Variants in ABCA12 observed in about 807,000 individuals in gnomAD.
ABCA12 encodes glucosylceramide transporter ABCA12.
ABCA12 carries 156 observed loss-of-function variants against 293.5 expected under a neutral mutation model. That is an observed-to-expected ratio of 0.53 (90% CI 0.47 to 0.61). ABCA12 has a LOEUF of 0.61. Among genes scored for constraint, ABCA12 ranks in the 20% least tolerant of loss-of-function variants. The pLI, the probability that ABCA12 is intolerant of heterozygous loss-of-function variation, is 0.00. For missense variants in ABCA12, 2,797 were observed against 3,090.2 expected, an observed-to-expected ratio of 0.91 and a Z score of 2.25; for synonymous variants, 1,063 against 1,108.0, an observed-to-expected ratio of 0.96 and a Z score of 0.81.
chr2:215,042,255 G>C (rs953136189), intron 7 of ABCA12: 1 of 151,998 alleles, frequency 6.6e-6, no homozygotes, highest in Non-Finnish European at 1.5e-5. Flanking sequence ...ATGTTTGTTT[G>C]GGATAGAATC....
chr2:215,084,966 C>A (rs189519564), intron 2 of ABCA12, among the ~76,000 whole-genome samples: 8 of 151,748 alleles, frequency 5.3e-5, no homozygotes, highest in African/African-American at 1.7e-4. Flanking sequence ...TGGTGGCACA[C>A]ACCTGTAGTC....
At chr2:214,997,126 A>G (rs1430105747) in intron 23 of ABCA12, among the ~76,000 whole-genome samples, 1 of 152,184 alleles carries the variant, frequency 6.6e-6, no homozygotes, top group East Asian at 1.9e-4. Flanking sequence ...TCTGTCTTCC[A>G]TTGTGATATG....
chr2:214,978,539 G>GAAA, intron 32 of ABCA12, 73 bp from the exon 33 acceptor site: 1 of 1,543,366 alleles, frequency 6.5e-7, no homozygotes, highest in Non-Finnish European at 8.8e-7. Flanking sequence ...GCTTACCTTT[G>GAAA]ATTTTGAACT....
At chr2:215,087,347 T>G (rs145631970) in intron 2 of ABCA12, among the ~76,000 whole-genome samples, 146 of 152,324 alleles carry the variant, frequency 9.6e-4, no homozygotes, top group African/African-American at 3.4e-3. Flanking sequence ...AAATATTTAT[T>G]AAAATGGTTT....
chr2:215,009,290 T>C (rs11895576), intron 18 of ABCA12, among the ~76,000 whole-genome samples: 37,874 of 151,614 alleles, frequency 0.25, 8,802 homozygotes, highest in African/African-American at 0.61. Flanking sequence ...CACATGGACA[T>C]AGAGAGGGGA....
chr2:214,970,473 C>A lies in ABCA12; in HGVS notation c.5563-73G>T, dbSNP rs566741675. The A allele has an allele frequency of 1.5e-4, 227 of 1,550,860 alleles. 1 individual carries two copies. The South Asian group carries it at 2.5e-3, about 17-fold the overall frequency. On this transcript the variant is annotated intron_variant, in intron 36 of 52. Coordinates refer to ENST00000272895, the MANE Select transcript of ABCA12 (RefSeq NM_173076.3). ...AAGTTAAATAGACAATGTCAAGGAG[C>A]TTCAGTCTCATGATTTGTCTATTAC...
chr2:214,990,709 A>C lies in ABCA12; in HGVS notation c.3617T>G (p.Val1206Gly). ...VENELSYVLK[V>G]FMSLLSPTAF... The stretch of plus-strand genomic sequence containing the variant: ...TTCCAACGGTTGACTTACCATGAAC[A>C]CTTTCAATACATAGCTCAACTCATT... Residue 1206 changes from valine to glycine, a missense_variant, in exon 24 of 53, where the codon GTG becomes GGG. By Grantham distance (109) the Val-to-Gly change is moderately radical (BLOSUM62 -3). Around this residue, in one of 3 missense-constraint regions of ABCA12, gnomAD observed 2,130 missense variants for 2,427.0 expected, o/e 0.88. Transcript: ENST00000272895. 6.2e-7 allele frequency: 1 copy of C among 1,613,992 alleles called. No individual in the cohort carries two copies. Among genetic ancestry groups the C allele is most frequent in the Non-Finnish European group, 8.5e-7 (1 of 1,179,904 alleles).
chr2:214,992,953 A>G (rs895230678), intron 23 of ABCA12, among the ~76,000 whole-genome samples: 5 of 152,320 alleles, frequency 3.3e-5, no homozygotes, highest in African/African-American at 1.2e-4. Context: ...AGGATAGTCA[A>G]TGCCCCACCC....
chr2:214,939,077 TTTTATGTTTAAGTGTTTATG>T (rs1416508755), intron 50 of ABCA12, among the ~76,000 whole-genome samples: 1 of 152,214 alleles, frequency 6.6e-6, no homozygotes, highest in Non-Finnish European at 1.5e-5. Context: ...CTTCTAGGGT[TTTTATGTTTAAGTGTTTATG>T]TTTATGTTTA....
chr2:215,101,736 G>T (rs987962531), intron 2 of ABCA12, among the ~76,000 whole-genome samples: 5 of 152,056 alleles, frequency 3.3e-5, no homozygotes, highest in Admixed American at 2.0e-4. Context: ...AAAGAAATCT[G>T]CATTTAAAAA....
intron 1 of ABCA12, among the ~76,000 whole-genome samples, chr2:215,128,055 G>C (rs1031895755): frequency 2.0e-5 from 3 of 152,054 alleles, no homozygotes; most frequent in Non-Finnish European, 4.4e-5. Flanking sequence ...CATATATGAC[G>C]CTTTGTTTTG....
chr2:214,997,925 G>C (rs1700070126), intron 22 of ABCA12, 116 bp from the exon 23 acceptor site: 1 of 708,656 alleles, frequency 1.4e-6, no homozygotes, highest in African/African-American at 1.8e-5. Flanking sequence ...ATCGTGTTTT[G>C]AAATTGAAAA....
intron 2 of ABCA12, among the ~76,000 whole-genome samples, chr2:215,087,626 C>G (rs1237006216): frequency 1.3e-5 from 2 of 151,816 alleles, no homozygotes; most frequent in African/African-American, 2.4e-5. Flanking sequence ...GAGTCATGCA[C>G]AGGGTATGAT....
intron 7 of ABCA12, among the ~76,000 whole-genome samples, chr2:215,040,427 G>A (rs558328054): frequency 6.6e-6 from 1 of 152,098 alleles, no homozygotes; most frequent in East Asian, 1.9e-4. Context: ...TTGCACAGCT[G>A]TCAGGATGCA....
At chr2:214,942,771 T>G (rs190875152) in intron 50 of ABCA12, among the ~76,000 whole-genome samples, 154 bp downstream of exon 50, 6 of 152,264 alleles carry the variant, frequency 3.9e-5, no homozygotes, top group Admixed American at 6.5e-5. Context: ...ATAAAATAAT[T>G]TAAATTTAAG....
intron 3 of ABCA12, among the ~76,000 whole-genome samples, chr2:215,059,452 C>T (rs1701485278): frequency 6.6e-6 from 1 of 152,054 alleles, no homozygotes; most frequent in African/African-American, 2.4e-5. Context: ...TATCTGTCCA[C>T]ATTCCAAACA....
chr2:215,060,436 A>G (rs899602455), intron 3 of ABCA12, among the ~76,000 whole-genome samples: 6 of 151,994 alleles, frequency 3.9e-5, no homozygotes, highest in Admixed American at 6.6e-5. Flanking sequence ...CACTTTTATC[A>G]ATTTTATTTC....
At chr2:215,112,487 T>TTTTG (rs1559201053) in intron 1 of ABCA12, among the ~76,000 whole-genome samples, 1 of 107,056 alleles carries the variant, frequency 9.3e-6, no homozygotes, top group Non-Finnish European at 1.7e-5. Flanking sequence ...GTTTTTTTTG[T>TTTTG]TTTTTTTTTG....
At chr2:214,979,769 T>C (rs1699606327) in intron 31 of ABCA12, among the ~76,000 whole-genome samples, 1 of 152,146 alleles carries the variant, frequency 6.6e-6, no homozygotes, top group Admixed American at 6.6e-5. Context: ...TGAATGAGTA[T>C]AATAATTAAG....
Sources: allele counts gnomAD v4.1 joint callset (sites outside exome capture counted in the v4.1 genomes callset), GRCh38; gene constraint gnomAD v4.1.1; regional missense constraint gnomAD v4.1.1; transcripts MANE v1.5; gene names NCBI Gene and HGNC (gene_info 2026-07-23, HGNC 2026-07-21).